The following PER2 variants were observed in gnomAD, a reference collection of about 807,000 sequenced individuals.
PER2 encodes period circadian regulator 2.
A neutral mutation model predicts 121.0 loss-of-function variants in PER2; 66 were observed. The ratio of observed to expected loss-of-function variants is 0.55; its 90% CI spans 0.45 to 0.67. The LOEUF is 0.67. Among genes scored for constraint, PER2 ranks in the 30% least tolerant of loss-of-function variants. PER2 has a pLI of 0.00. For missense variants in PER2, 1,521 were observed against 1,635.0 expected (o/e 0.93, Z 1.20); for synonymous variants, 684 against 659.9 (o/e 1.04, Z -0.56).
At position 238,258,377 on chromosome 2, in the gene PER2, G is replaced by C; in HGVS notation, c.1799C>G (p.Ala600Gly). Residue 600 changes from alanine to glycine, a missense_variant, in exon 16 of 23, where the codon GCT becomes GGT. Ala to Gly is a moderately conservative substitution (Grantham distance 60). Transcript: ENST00000254657. ...VIRYLESCNEAATLKRKCEFP... is the reference protein window; with the variant it reads ...VIRYLESCNEGATLKRKCEFP... ...CTCGCATTTCCTCTTCAGGGTGGCA[G>C]CCTCATTGCAGCTCTCCAAGTACCT... 6.2e-7 allele frequency: 1 copy of C among 1,614,234 alleles called. No individual in the cohort carries two copies. Among genetic ancestry groups the C allele is most frequent in the East Asian group, 2.2e-5 (1 of 44,886 alleles).
rs778201645 is a variant in PER2, at chr2:238,249,048, TC to T, written c.3618+13del. 1.9e-6 allele frequency: 3 copies of T among 1,613,540 alleles called. No homozygotes were observed. The African/African-American group carries it at 4.0e-5, about 22-fold the overall frequency. On this transcript the variant is annotated intron_variant, in intron 22 of 22. Transcript: ENST00000254657. ...TTTTAGGGCCATATCAGAAATCGAG[TC>T]CCGTGAGCTTACTGCCACGTCGATG...
rs529063249 is a variant in PER2, at chr2:238,252,139, T to C, written c.3112-378A>G. Among the ~76,000 whole-genome samples the C allele has an allele frequency of 6.6e-6, 1 of 152,272 alleles. No individual in the cohort carries two copies. Among genetic ancestry groups the C allele is most frequent in the Admixed American group, 6.5e-5 (1 of 15,300 alleles). The stretch of plus-strand genomic sequence containing the variant: ...ACCCGGTGTGGGGGCTGCCTTGGGA[T>C]TGAGGGCGGGGCCTGGCCTGGGGAG... On this transcript the variant is annotated intron_variant, in intron 19 of 22. Transcript: ENST00000254657. This position sits in a 1 kb window ranked among gnomAD's most constrained non-coding sequence, Gnocchi z 4.2.
Position 238,258,533 on chromosome 2 carries a change from G to A in PER2, c.1739C>T (p.Ser580Phe), listed in dbSNP as rs1276585948. Residue 580 changes from serine to phenylalanine, a missense_variant, in exon 15 of 23, where the codon TCC (serine) becomes TTC (phenylalanine). By Grantham distance (155) the Ser-to-Phe change is radical. Transcript: ENST00000254657. The part of the protein sequence containing the change: ...ELACKNQPTC[S>F]YQQISCLDSV... Reference sequence around the variant, plus strand: ...GTCCAAGCAGCTGATCTGCTGGTAGGAGCAGGTGGGCTGGTTCTTGCAGGC... The same window carrying A: ...GTCCAAGCAGCTGATCTGCTGGTAGAAGCAGGTGGGCTGGTTCTTGCAGGC... 18 of 1,614,220 alleles carry A rather than the reference G, an allele frequency of 1.1e-5. No individual in the cohort carries two copies. The highest frequency in any genetic ancestry group is 3.3e-5 in the South Asian group (3 of 91,086).
At chr2:238,257,114 T>C in intron 16 of PER2, 28 bp from the exon 17 acceptor site, 5 of 1,604,622 alleles carry the variant, frequency 3.1e-6, no homozygotes, top group Non-Finnish European at 4.2e-6. Context: ...GGAACAAACA[T>C]TAGTGTGTCA....
intron 6 of PER2, among the ~76,000 whole-genome samples, chr2:238,270,764 C>T (rs1696260064): frequency 6.6e-6 from 1 of 152,238 alleles, no homozygotes; most frequent in Non-Finnish European, 1.5e-5. Context: ...AGGGGCAGGC[C>T]CAGCAGCCAA....
intron 22 of PER2, among the ~76,000 whole-genome samples, chr2:238,247,950 C>T (rs181486851): frequency 2.6e-4 from 39 of 152,356 alleles, no homozygotes; most frequent in African/African-American, 9.1e-4. Context: ...ATGGAAGCAT[C>T]CTCATGGCTT....
rs1695426858 is a variant in PER2, at chr2:238,245,653, TAC to T, written c.*720_*721del. The T allele has an allele frequency of 2.5e-6, 1 of 398,506 alleles. No individual in the cohort carries two copies. 24.7% of individuals were successfully genotyped at this position (398,506 alleles called of 1,614,324 possible). ...AGGAGACAAGAATAATGCAGAAATA[TAC>T]AGAGGGTCTGTCTGCGTGTGCATTC... On this transcript the variant is annotated 3_prime_UTR_variant, in exon 23 of 23. Transcript: ENST00000254657.
At chr2:238,247,210 G>A (rs1371753594) in intron 22 of PER2, 1 of 152,244 alleles carries the variant, frequency 6.6e-6, no homozygotes, top group South Asian at 2.1e-4. Context: ...AAGAGTACCT[G>A]ACTTCTGATT....
intron 12 of PER2, 33 bp from the exon 13 acceptor site, chr2:238,260,986 G>A (rs755068007): frequency 6.2e-7 from 1 of 1,606,068 alleles, no homozygotes; most frequent in Non-Finnish European, 8.5e-7. Context: ...TACAGACACA[G>A]CCAGGGCTGC....
At chr2:238,250,790 T>C (rs1187842371) in intron 20 of PER2, 47 bp from the exon 21 acceptor site, 1 of 1,344,270 alleles carries the variant, frequency 7.4e-7, no homozygotes, top group Admixed American at 1.7e-5. Context: ...ACATATGAAA[T>C]TAAACCTTGC....
In PER2 at chr2:238,268,618, CACAG is replaced by C. The variant is rs572154867; in HGVS notation, c.824+301_824+304del. ...CTACGGGTCTCTCCCCAGAAAAACG[CACAG>C]ACAACCAAAAGACGCAGTGCTTTCA... On this transcript the variant is annotated intron_variant, in intron 7 of 22. Coordinates refer to ENST00000254657, the MANE Select transcript of PER2 (RefSeq NM_022817.3). This position sits in a 1 kb window ranked among gnomAD's most constrained non-coding sequence, Gnocchi z 4.0. Among the ~76,000 whole-genome samples, 121 of 152,316 alleles carry C rather than the reference CACAG, an allele frequency of 7.9e-4. No individual in the cohort carries two copies. Among genetic ancestry groups the C allele is most frequent in the African/African-American group, 2.9e-3 (119 of 41,558 alleles).
At position 238,255,786 on chromosome 2, in the gene PER2, C is replaced by T. The variant is rs1000089190; in HGVS notation, c.2191G>A (p.Ala731Thr). ...KKLGLTKEVL[A>T]AHTQKEEQSF... The stretch of plus-strand genomic sequence containing the variant: ...TGCTCCTCCTTCTGTGTGTGTGCAG[C>T]GAGTACCTCCTTGGTGAGGCCCAGC... The change falls in exon 18 of 23, where the codon GCT becomes ACT. Residue 731 changes from alanine (A) to threonine (T), a missense_variant. By Grantham distance (58) the Ala-to-Thr change is moderately conservative. Transcript: ENST00000254657. 1.5e-5 allele frequency: 24 copies of T among 1,614,022 alleles called. No individual in the cohort carries two copies. The highest frequency in any genetic ancestry group is 1.9e-5 in the Non-Finnish European group (23 of 1,180,024).
chr2:238,268,040 T>G lies in PER2; in HGVS notation c.967+16A>C. On this transcript the variant is annotated intron_variant, in intron 8 of 22. Coordinates refer to ENST00000254657, the MANE Select transcript of PER2 (RefSeq NM_022817.3). The surrounding 1 kb of genome is among the most constrained non-coding windows in gnomAD (Gnocchi z 4.0). ...CCAGAGACAACATCTGCCCTCGCCC[T>G]GGGCTTGGCTGTTACCTTCATAACC... 11 of 1,613,474 alleles carry G rather than the reference T, an allele frequency of 6.8e-6. No individual in the cohort carries two copies. The highest frequency in any genetic ancestry group is 9.3e-6 in the Non-Finnish European group (11 of 1,179,922).
At position 238,271,339 on chromosome 2, in the gene PER2, G is replaced by A; in HGVS notation, c.745C>T (p.Pro249Ser). Residue 249 changes from proline to serine, a missense_variant, in exon 6 of 23, where the codon CCC becomes TCC. Transcript: ENST00000254657. Reference protein sequence around the residue: ...FHSFTSPYKLPLWSMCSGADS... With the variant: ...FHSFTSPYKLSLWSMCSGADS... The stretch of plus-strand genomic sequence containing the variant: ...GCTCCACTGCACATGCTCCACAAGG[G>A]AAGCTTGTACGGGGAGGTGAAACTG... 6.2e-7 allele frequency: 1 copy of A among 1,614,098 alleles called. No individual in the cohort carries two copies. The highest frequency in any genetic ancestry group is 8.5e-7 in the Non-Finnish European group (1 of 1,179,982).
At chr2:238,297,221 G>A in the PER2 span, among the ~76,000 whole-genome samples, 1 of 152,206 alleles carries the variant, frequency 6.6e-6, no homozygotes, top group Non-Finnish European at 1.5e-5. Context: ...AAGGCGAGAG[G>A]ACCAGGAGAA....
At chr2:238,263,408 C>T (rs1203754914) in intron 9 of PER2, among the ~76,000 whole-genome samples, 1 of 152,240 alleles carries the variant, frequency 6.6e-6, no homozygotes, top group Non-Finnish European at 1.5e-5. Context: ...TGTGACCTGG[C>T]ATGGATTTTT....
At chr2:238,272,312 T>TG (rs1696315059) in intron 5 of PER2, among the ~76,000 whole-genome samples, 1 of 152,202 alleles carries the variant, frequency 6.6e-6, no homozygotes, top group African/African-American at 2.4e-5. Flanking sequence ...GGGGACCCTC[T>TG]GCTCACTTGG....
intron 1 of PER2, among the ~76,000 whole-genome samples, chr2:238,285,112 C>T (rs533699278): frequency 5.2e-5 from 8 of 152,398 alleles, no homozygotes; most frequent in African/African-American, 1.9e-4. Flanking sequence ...CAAAAGCCAA[C>T]ATGAGCCTCT....
chr2:238,292,399 G>A (rs1323085615), upstream of PER2, among the ~76,000 whole-genome samples: 1 of 152,208 alleles, frequency 6.6e-6, no homozygotes, highest in Non-Finnish European at 1.5e-5. Context: ...AGAGCCTGGG[G>A]AAAGGAGCTT....
Sources: gnomAD v4.1 joint callset for allele counts (sites outside exome capture counted in the v4.1 genomes callset) on GRCh38, gnomAD v4.1.1 for gene constraint, Gnocchi (gnomAD v3.1) non-coding constraint, MANE v1.5 for transcripts, NCBI Gene and HGNC (gene_info 2026-07-23, HGNC 2026-07-21) for gene names.